The following RBFOX3 variants were observed in gnomAD, a reference collection of about 807,000 sequenced individuals.
RBFOX3 encodes the protein RNA binding protein fox-1 homolog 3.
Under a neutral mutation model 48.7 loss-of-function variants are expected in RBFOX3, and 17 were observed. That is an observed-to-expected ratio of 0.35 (90% CI 0.24 to 0.52). The LOEUF is 0.52. Among genes scored for constraint, RBFOX3 ranks in the 20% least tolerant of loss-of-function variants. The pLI is 0.94. For missense variants in RBFOX3, 382 were observed against 497.5 expected, an observed-to-expected ratio of 0.77 and a Z score of 2.21; for synonymous variants, 212 against 209.5, an observed-to-expected ratio of 1.01 and a Z score of -0.10.
chr17:79,392,024 C>T lies in RBFOX3; in HGVS notation c.-174-84200G>A, dbSNP rs1376078323. Among the ~76,000 whole-genome samples, 1 of 152,164 alleles carries T rather than the reference C, an allele frequency of 6.6e-6. No individual in the cohort carries two copies. The highest frequency in any genetic ancestry group is 6.5e-5 in the Admixed American group (1 of 15,282). On this transcript the variant is annotated intron_variant, in intron 2 of 14. Coordinates refer to ENST00000693108, the MANE Select transcript of RBFOX3 (RefSeq NM_001350451.2). The surrounding 1 kb of genome is among the most constrained non-coding windows in gnomAD (Gnocchi z 5.0). The stretch of plus-strand genomic sequence containing the variant: ...GCCCCGCGATGGTCAGGCTTTCTGC[C>T]GTCTTGGAAACAGACACCGACAAGC...
At chr17:79,518,925 C>T (rs2085651466) in intron 1 of RBFOX3, among the ~76,000 whole-genome samples, 1 of 152,236 alleles carries the variant, frequency 6.6e-6, no homozygotes, top group African/African-American at 2.4e-5. Context: ...TAGAACATTT[C>T]CTCCAAATGA....
intron 4 of RBFOX3, among the ~76,000 whole-genome samples, chr17:79,178,042 G>A (rs914065192): frequency 2.0e-5 from 3 of 152,140 alleles, no homozygotes; most frequent in Non-Finnish European, 1.5e-5. Context: ...GCAACCCGCC[G>A]ATCCTCCACC....
chr17:79,627,854 G>A, the RBFOX3 span, among the ~76,000 whole-genome samples: 10 of 152,258 alleles, frequency 6.6e-5, no homozygotes, highest in South Asian at 1.7e-3. Flanking sequence ...AGGGCAGCCG[G>A]CGGAGGGAGC....
intron 1 of RBFOX3, among the ~76,000 whole-genome samples, chr17:79,590,715 C>T (rs1465185520): frequency 5.9e-5 from 9 of 152,140 alleles, no homozygotes. Context: ...AGACCTCTTC[C>T]CCTGCCTTCT....
intron 4 of RBFOX3, among the ~76,000 whole-genome samples, chr17:79,147,709 G>A (rs1448368488): frequency 6.6e-6 from 1 of 152,250 alleles, no homozygotes; most frequent in Non-Finnish European, 1.5e-5. Flanking sequence ...GGCTGGCCAA[G>A]GGCCTTGTCC....
intron 1 of RBFOX3, among the ~76,000 whole-genome samples, chr17:79,498,424 C>T (rs887802178): frequency 3.3e-5 from 5 of 151,788 alleles, no homozygotes; most frequent in Admixed American, 2.0e-4. Flanking sequence ...CATCCATCTA[C>T]TCACACAGCC....
rs1325752755 is a variant in RBFOX3 at position 79,362,657 on chromosome 17, A to C, written c.-174-54833T>G. On this transcript the variant is annotated intron_variant, in intron 2 of 14. Transcript: ENST00000693108. The surrounding 1 kb of genome is among the most constrained non-coding windows in gnomAD (Gnocchi z 4.2). ...GAAAATGAGAGCCGGCCTGCCGGGC[A>C]ATTGCTTCCTGTGACGGAGCCAGTT... Among the ~76,000 whole-genome samples the C allele has an allele frequency of 6.6e-6, 1 of 152,176 alleles. No homozygotes were observed. Among genetic ancestry groups the C allele is most frequent in the Non-Finnish European group, 1.5e-5 (1 of 68,028 alleles).
chr17:79,382,026 G>C (rs1035867242), intron 2 of RBFOX3, among the ~76,000 whole-genome samples: 2 of 152,196 alleles, frequency 1.3e-5, no homozygotes, highest in African/African-American at 4.8e-5. Flanking sequence ...GCCGCCAACA[G>C]AGCCCCCCAG....
At chr17:79,633,342 C>A in the RBFOX3 span, among the ~76,000 whole-genome samples, 1 of 152,256 alleles carries the variant, frequency 6.6e-6, no homozygotes, top group African/African-American at 2.4e-5. Flanking sequence ...AAGGCCACCA[C>A]CAACCGGAGA....
chr17:79,227,633 A>T (rs1273723709), intron 4 of RBFOX3, among the ~76,000 whole-genome samples: 1 of 151,816 alleles, frequency 6.6e-6, no homozygotes, highest in East Asian at 1.9e-4. Context: ...GCGGTTACTC[A>T]CTCTTCCATG....
At chr17:79,613,477 G>C (rs1253876231), upstream of RBFOX3, among the ~76,000 whole-genome samples, 1 of 152,192 alleles carries the variant, frequency 6.6e-6, no homozygotes, top group Non-Finnish European at 1.5e-5. Context: ...ATTTGGGGAC[G>C]TCATCTAAGA....
At chr17:79,292,582 ATGCACACACACACACACG>A (rs760684642) in intron 3 of RBFOX3, among the ~76,000 whole-genome samples, 2 of 147,586 alleles carry the variant, frequency 1.4e-5, no homozygotes, top group African/African-American at 2.5e-5. Flanking sequence ...ACACACACAC[ATGCACACACACACACACG>A]CACACACACA....
rs1313447544 is a variant in RBFOX3, at chr17:79,473,412, T to C, written c.-175+9042A>G. ...TGTTGTGAGGATTCACGATGATTCA[T>C]ATATATTTTGGGACGAGAACCTCGG... On this transcript the variant is annotated intron_variant, in intron 2 of 14. Transcript: ENST00000693108. This position sits in a 1 kb window ranked among gnomAD's most constrained non-coding sequence, Gnocchi z 4.2. Among the ~76,000 whole-genome samples, 1 of 152,226 alleles carries C rather than the reference T, an allele frequency of 6.6e-6. No homozygotes were observed. The highest frequency in any genetic ancestry group is 1.5e-5 in the Non-Finnish European group (1 of 68,048).
rs368095030 is a variant in RBFOX3 at position 79,368,752 on chromosome 17, G to A, written c.-174-60928C>T. Among the ~76,000 whole-genome samples, 7 of 152,310 alleles carry A rather than the reference G, an allele frequency of 4.6e-5. No homozygotes were observed. The East Asian group carries it at 5.8e-4, about 13-fold the overall frequency. ...CTCCAGCCAGACACACGGGTGTCCG[G>A]GAGGTTGATCCTCAGCCAGGGCTGA... is the stretch of plus-strand genomic sequence containing the variant. On this transcript the variant is annotated intron_variant, in intron 2 of 14. Transcript: ENST00000693108.
rs2073613884 is a variant in RBFOX3 at position 79,090,072 on chromosome 17, GCCT to G, written c.*808_*810del. ...CAGCCTTGGTGTACACAGGCCCCGG[GCCT>G]CCTCCAGAAAGGGAGAGATGGCCAG... is the stretch of plus-strand genomic sequence containing the variant. On this transcript the variant is annotated 3_prime_UTR_variant, in exon 15 of 15. Coordinates refer to ENST00000693108, the MANE Select transcript of RBFOX3 (RefSeq NM_001350451.2). 1 of 152,372 alleles carries G rather than the reference GCCT, an allele frequency of 6.6e-6. No individual in the cohort carries two copies. The highest frequency in any genetic ancestry group is 2.4e-5 in the African/African-American group (1 of 41,468). 9.4% of individuals were successfully genotyped at this position (152,372 alleles called of 1,614,324 possible). A position where few individuals can be genotyped will look rare whatever the true frequency, so the allele number is the denominator to read the frequency against.
intron 2 of RBFOX3, among the ~76,000 whole-genome samples, chr17:79,320,958 C>T (rs149694661): frequency 2.0e-5 from 3 of 152,326 alleles, no homozygotes; most frequent in East Asian, 1.9e-4. Flanking sequence ...CAAAAGCTCC[C>T]GTCACAGCAA....
chr17:79,342,025 G>A (rs564149420), intron 2 of RBFOX3, among the ~76,000 whole-genome samples: 1 of 152,352 alleles, frequency 6.6e-6, no homozygotes, highest in South Asian at 2.1e-4. Flanking sequence ...CCCCCTCCCA[G>A]CCTCCCTGTG....
intron 1 of RBFOX3, among the ~76,000 whole-genome samples, chr17:79,569,419 T>G (rs1403499090): frequency 6.6e-6 from 1 of 152,236 alleles, no homozygotes; most frequent in Non-Finnish European, 1.5e-5. Flanking sequence ...CTTCATTCCC[T>G]TCTATGGCTA....
rs2057259754 is a variant in RBFOX3, at chr17:79,363,319, T to A, written c.-174-55495A>T. Among the ~76,000 whole-genome samples the A allele has an allele frequency of 6.6e-6, 1 of 152,064 alleles. No homozygotes were observed. The highest frequency in any genetic ancestry group is 6.5e-5 in the Admixed American group (1 of 15,280). On this transcript the variant is annotated intron_variant, in intron 2 of 14. Coordinates refer to ENST00000693108, the MANE Select transcript of RBFOX3 (RefSeq NM_001350451.2). This position sits in a 1 kb window ranked among gnomAD's most constrained non-coding sequence, Gnocchi z 4.7. ...CTTTAAAGGGCAAATGCGCTGTGAA[T>A]GGAGACTCTCTTGGCAACGCCAGGG...
Sources: gnomAD v4.1 joint callset for allele counts (sites outside exome capture counted in the v4.1 genomes callset) on GRCh38, gnomAD v4.1.1 for gene constraint, Gnocchi (gnomAD v3.1) non-coding constraint, MANE v1.5 for transcripts, NCBI Gene and HGNC (gene_info 2026-07-23, HGNC 2026-07-21) for gene names.